Variants in STIM1 observed in about 807,000 individuals in gnomAD.
STIM1 encodes stromal interaction molecule 1.
In STIM1, 25 loss-of-function variants were observed where a neutral mutation model predicts 74.7. The observed-to-expected ratio is 0.33, with a 90% CI of 0.24 to 0.47. The LOEUF (loss-of-function observed/expected upper bound fraction) is 0.47. STIM1 is among the 20% of genes least tolerant of loss of function. The pLI is 1.00. For missense variants in STIM1, 728 were observed against 920.8 expected, an observed-to-expected ratio of 0.79 and a Z score of 2.71; for synonymous variants, 328 against 348.8, an observed-to-expected ratio of 0.94 and a Z score of 0.66.
At chr11:4,058,980 G>C (rs2133102833) in intron 4 of STIM1, 1 of 1,170,526 alleles carries the variant, frequency 8.5e-7, no homozygotes, top group African/African-American at 1.6e-5. Context: ...AACCCTGGAA[G>C]GAGAAGCACA....
chr11:4,019,976 C>T (rs2093940855), intron 2 of STIM1, among the ~76,000 whole-genome samples: 1 of 152,168 alleles, frequency 6.6e-6, no homozygotes, highest in Non-Finnish European at 1.5e-5. Flanking sequence ...TTCTGGTAAC[C>T]ACTATCCTAC....
chr11:4,091,769 A>C lies in STIM1; in HGVS notation c.2122A>C (p.Lys708Gln). 1 of 1,608,778 alleles carries C rather than the reference A, an allele frequency of 6.2e-7. No homozygotes were observed. The highest frequency in any genetic ancestry group is 8.5e-7 in the Non-Finnish European group (1 of 1,180,000). ...SSPGRKKFPL[K>Q]IFKKPLKK ...CCCAGGCCGGAAGAAGTTTCCCCTC[A>C]AAATCTTTAAGAAGCCTCTTAAGAA... Residue 708 changes from lysine to glutamine, a missense_variant, in exon 13 of 13, where the codon AAA becomes CAA. Around this residue, in one of 5 missense-constraint regions of STIM1, gnomAD observed 352 missense variants for 370.1 expected, o/e 0.95. Transcript: ENST00000526596.
In STIM1 at chr11:4,003,707, T is replaced by C. The variant is rs542628259; in HGVS notation, c.271-20166T>C. On this transcript the variant is annotated intron_variant, in intron 2 of 12. Coordinates refer to ENST00000526596, the MANE Select transcript of STIM1 (RefSeq NM_001382567.1). ...ACGGGATGCCCTCTCTCACCACTCC[T>C]ATTCAACATAGTGTTGGAAGTTCTG... is the stretch of plus-strand genomic sequence containing the variant. Among the ~76,000 whole-genome samples the C allele has an allele frequency of 2.0e-5, 3 of 152,284 alleles. No homozygotes were observed. In the South Asian group the frequency reaches 6.2e-4, roughly 32 times the overall value.
intron 1 of STIM1, among the ~76,000 whole-genome samples, chr11:3,957,013 T>C (rs564627240): frequency 6.6e-6 from 1 of 152,194 alleles, no homozygotes; most frequent in Admixed American, 6.5e-5. Context: ...ACCTTACTTT[T>C]AGTGGAGGGA....
intron 2 of STIM1, among the ~76,000 whole-genome samples, chr11:3,992,856 A>G (rs1271687496): frequency 6.6e-6 from 1 of 152,216 alleles, no homozygotes; most frequent in African/African-American, 2.4e-5. Context: ...CATTGTTTCA[A>G]TTGCCTGGGC....
intron 2 of STIM1, chr11:3,974,037 C>T: frequency 2.9e-6 from 2 of 696,268 alleles, no homozygotes; most frequent in Non-Finnish European, 5.2e-6. Context: ...GCTGCATCCA[C>T]CTCCTCCACA....
chr11:3,985,965 C>T (rs556542979), intron 2 of STIM1, among the ~76,000 whole-genome samples: 1 of 152,286 alleles, frequency 6.6e-6, no homozygotes, highest in Non-Finnish European at 1.5e-5. Context: ...TTCTTGTGTT[C>T]TTCTCCTCAC....
intron 1 of STIM1, among the ~76,000 whole-genome samples, chr11:3,864,222 G>T (rs550033527): frequency 3.9e-5 from 6 of 152,314 alleles, no homozygotes; most frequent in African/African-American, 1.2e-4. Flanking sequence ...TCTTGAAATG[G>T]CTGAGCAAAT....
intron 2 of STIM1, among the ~76,000 whole-genome samples, chr11:4,017,888 C>T (rs573802617): frequency 6.6e-6 from 1 of 152,290 alleles, no homozygotes; most frequent in South Asian, 2.1e-4. Flanking sequence ...CTGCCCTTTC[C>T]CTTTTATAGT....
At chr11:4,027,612 G>A (rs2094008718) in intron 3 of STIM1, among the ~76,000 whole-genome samples, 1 of 151,996 alleles carries the variant, frequency 6.6e-6, no homozygotes, top group African/African-American at 2.4e-5. Flanking sequence ...CCGTGCCTGG[G>A]GAATTGGCCT....
At chr11:4,051,100 A>T (rs980043489) in intron 3 of STIM1, among the ~76,000 whole-genome samples, 1 of 152,142 alleles carries the variant, frequency 6.6e-6, no homozygotes, top group African/African-American at 2.4e-5. Context: ...TTGAAAAAAA[A>T]ATCCATGTAT....
intron 1 of STIM1, among the ~76,000 whole-genome samples, chr11:3,897,171 C>T (rs532937539): frequency 7.9e-4 from 121 of 152,250 alleles, no homozygotes; most frequent in Middle Eastern, 6.8e-3. Flanking sequence ...TAATTGTTTC[C>T]AGGAGGGCAG....
intron 7 of STIM1, 99 bp downstream of exon 7, chr11:4,074,778 A>G: frequency 7.6e-7 from 1 of 1,318,070 alleles, no homozygotes. Flanking sequence ...AATTTGAAAT[A>G]TGATCCAAAG....
intron 3 of STIM1, among the ~76,000 whole-genome samples, chr11:4,030,250 A>C (rs149224930): frequency 0.035 from 5,360 of 151,510 alleles, 288 homozygotes; most frequent in African/African-American, 0.12. Flanking sequence ...AATTGTTTGA[A>C]CCCAGGGTAT....
intron 2 of STIM1, among the ~76,000 whole-genome samples, chr11:4,020,045 A>G (rs1490420118): frequency 6.6e-6 from 1 of 152,136 alleles, no homozygotes; most frequent in Non-Finnish European, 1.5e-5. Flanking sequence ...AACATGTGGT[A>G]TTTATTTTTT....
chr11:3,978,995 C>G (rs1376376690), intron 2 of STIM1, among the ~76,000 whole-genome samples: 2 of 152,078 alleles, frequency 1.3e-5, no homozygotes, highest in Admixed American at 6.6e-5. Context: ...CAAACAGAAT[C>G]AGAGCTAAGG....
chr11:4,033,617 T>C (rs2094071606), intron 3 of STIM1, among the ~76,000 whole-genome samples: 1 of 150,556 alleles, frequency 6.6e-6, no homozygotes, highest in African/African-American at 2.4e-5. Flanking sequence ...TTTTTTTGAG[T>C]CGGAGTCTCG....
chr11:3,900,000 C>A (rs1471300341), intron 1 of STIM1, among the ~76,000 whole-genome samples: 2 of 152,066 alleles, frequency 1.3e-5, no homozygotes, highest in Non-Finnish European at 2.9e-5. Context: ...TGTCTCTGCC[C>A]AGCTTTGGTA....
intron 2 of STIM1, among the ~76,000 whole-genome samples, chr11:4,018,277 G>A (rs1209757928): frequency 1.3e-5 from 2 of 149,674 alleles, no homozygotes; most frequent in East Asian, 2.0e-4. Flanking sequence ...GTGAAACCCC[G>A]TCTCTACTAA....
Sources: allele counts gnomAD v4.1 joint callset (sites outside exome capture counted in the v4.1 genomes callset), GRCh38; gene constraint gnomAD v4.1.1; regional missense constraint gnomAD v4.1.1; transcripts MANE v1.5; gene names NCBI Gene and HGNC (gene_info 2026-07-23, HGNC 2026-07-21).